SYN3: variants seen among roughly 807,000 people sequenced by gnomAD.
SYN3 encodes the protein synapsin-3.
In SYN3, 35 loss-of-function variants were observed where a neutral mutation model predicts 65.8. The ratio of observed to expected loss-of-function variants is 0.53; its 90% CI spans 0.41 to 0.70. SYN3 has a LOEUF of 0.70. Ranked by LOEUF, SYN3 falls within the 30% of genes least tolerant of loss-of-function variation. The probability of loss-of-function intolerance (pLI) is 0.00; values close to 1 mark genes in which losing one functional copy is unlikely to be tolerated. For synonymous variants in SYN3, 270 were observed against 292.9 expected, an observed-to-expected ratio of 0.92 and a Z score of 0.80; for missense variants, 680 against 749.0, an observed-to-expected ratio of 0.91 and a Z score of 1.08.
At chr22:32,990,412 CCATCCATCCAT>C (rs2052677392) in intron 2 of SYN3, among the ~76,000 whole-genome samples, 1 of 29,702 alleles carries the variant, frequency 3.4e-5, no homozygotes, top group African/African-American at 3.7e-4. Flanking sequence ...ATCCAGCCAT[CCATCCATCCAT>C]CCATCCATCC....
At chr22:32,611,813 G>C (rs1388624966) in intron 6 of SYN3, among the ~76,000 whole-genome samples, 2 of 152,118 alleles carry the variant, frequency 1.3e-5, no homozygotes, top group Non-Finnish European at 2.9e-5. Flanking sequence ...GGGGTGCTGG[G>C]AGCATCTTTT....
At chr22:33,008,374 C>T (rs2053251700) in intron 1 of SYN3, among the ~76,000 whole-genome samples, 1 of 152,134 alleles carries the variant, frequency 6.6e-6, no homozygotes, top group Admixed American at 6.5e-5. Context: ...CTTTTGTACC[C>T]CTTCTGGTCC....
intron 2 of SYN3, among the ~76,000 whole-genome samples, chr22:32,980,999 T>C (rs5998684): frequency 0.63 from 96,094 of 151,390 alleles, 30,943 homozygotes; most frequent in East Asian, 0.78. Flanking sequence ...GGATTACAGG[T>C]GCCTGCCATC....
intron 2 of SYN3, among the ~76,000 whole-genome samples, chr22:32,984,161 C>CAAAAAAAAA (rs35678412): frequency 1.1e-5 from 1 of 93,016 alleles, no homozygotes; most frequent in Non-Finnish European, 2.1e-5. Context: ...AAACTCCATC[C>CAAAAAAAAA]AAAAAAAAAA....
At chr22:32,792,175 C>T (rs548925976) in intron 6 of SYN3, among the ~76,000 whole-genome samples, 2 of 152,254 alleles carry the variant, frequency 1.3e-5, no homozygotes, top group African/African-American at 4.8e-5. Flanking sequence ...CCTTTTAGCA[C>T]GAGACAGCTG....
At chr22:32,557,160 C>T (rs542554600) in intron 7 of SYN3, among the ~76,000 whole-genome samples, 2 of 152,220 alleles carry the variant, frequency 1.3e-5, no homozygotes, top group South Asian at 2.1e-4. Context: ...GTTGCTCAAA[C>T]GGTGTATTAA....
intron 1 of SYN3, among the ~76,000 whole-genome samples, chr22:33,028,236 A>C (rs1364202812): frequency 6.6e-6 from 1 of 152,180 alleles, no homozygotes; most frequent in African/African-American, 2.4e-5. Flanking sequence ...ATCAGTGAGG[A>C]GCACAAGTGG....
At chr22:32,579,180 T>A (rs1321704138) in intron 7 of SYN3, among the ~76,000 whole-genome samples, 1 of 152,210 alleles carries the variant, frequency 6.6e-6, no homozygotes, top group Non-Finnish European at 1.5e-5. Flanking sequence ...TGCCAATATA[T>A]TCAATGAACA....
At chr22:32,747,788 C>CATGTT (rs1225534649) in intron 6 of SYN3, among the ~76,000 whole-genome samples, 26 of 152,220 alleles carry the variant, frequency 1.7e-4, no homozygotes, top group African/African-American at 6.3e-4. Context: ...AGTGGAGAGG[C>CATGTT]ATGTTGTTGG....
intron 6 of SYN3, among the ~76,000 whole-genome samples, chr22:32,624,313 C>A (rs564213416): frequency 1.3e-5 from 2 of 152,280 alleles, no homozygotes; most frequent in South Asian, 4.1e-4. Flanking sequence ...TGGGGGGTCA[C>A]TTTCAAACCT....
Position 32,586,132 on chromosome 22 carries a change from G to GTATA in SYN3, c.774+10538_774+10541dup, listed in dbSNP as rs1315219062. On this transcript the variant is annotated intron_variant, in intron 7 of 13. Coordinates refer to ENST00000358763, the MANE Select transcript of SYN3 (RefSeq NM_003490.4). ...TGTATATGTATATATGTATATGTATGTATATACATATACACATATACACAC... is the reference window on the plus strand; with the variant it reads ...TGTATATGTATATATGTATATGTATGTATATATATACATATACACATATACACAC... Among the ~76,000 whole-genome samples, 16 of 148,308 alleles carry GTATA rather than the reference G, an allele frequency of 1.1e-4. 1 individual carries two copies. Among genetic ancestry groups the GTATA allele is most frequent in the Non-Finnish European group, 9.0e-5 (6 of 66,768 alleles).
chr22:32,925,773 C>A (rs1330978779), intron 4 of SYN3, among the ~76,000 whole-genome samples: 2 of 151,940 alleles, frequency 1.3e-5, no homozygotes, highest in Non-Finnish European at 2.9e-5. Context: ...CAGTGCAATA[C>A]GTCTGGGACA....
chr22:32,987,578 A>G (rs241715), intron 2 of SYN3, among the ~76,000 whole-genome samples: 95,667 of 151,986 alleles, frequency 0.63, 30,488 homozygotes, highest in East Asian at 0.78. Context: ...GAAGGAATGC[A>G]CTAAGAGTGA....
At chr22:32,956,832 T>G (rs1303321236) in intron 3 of SYN3, among the ~76,000 whole-genome samples, 2 of 152,202 alleles carry the variant, frequency 1.3e-5, no homozygotes, top group Non-Finnish European at 2.9e-5. Context: ...TAATTCTACA[T>G]TTAATTTTTG....
In SYN3 at chr22:32,541,586, T is replaced by C. The variant is rs1213075770; in HGVS notation, c.902A>G (p.Asn301Ser). 6.2e-7 allele frequency: 1 copy of C among 1,613,924 alleles called. No homozygotes were observed. The highest frequency in any genetic ancestry group is 2.2e-5 in the East Asian group (1 of 44,884). ...AGAGACTCACATGTAAGCCTTGTAG[T>C]TGGATCCAATTTTCTGGATGCGGAT... is the stretch of plus-strand genomic sequence containing the variant. ...YDIRIQKIGS[N>S]YKAYMRTSIS... Residue 301 changes from asparagine (N) to serine (S), a missense_variant, in exon 8 of 14, where the codon AAC (asparagine) becomes AGC (serine). Transcript: ENST00000358763.
At chr22:33,019,645 G>A (rs558404440) in intron 1 of SYN3, among the ~76,000 whole-genome samples, 1 of 152,264 alleles carries the variant, frequency 6.6e-6, no homozygotes, top group Non-Finnish European at 1.5e-5. Context: ...TTTTCTTGTT[G>A]TTGTTTGTTT....
chr22:32,693,272 C>T (rs61244176), intron 6 of SYN3, among the ~76,000 whole-genome samples: 2,914 of 152,230 alleles, frequency 0.019, 85 homozygotes, highest in African/African-American at 0.067. Flanking sequence ...CCACCACTGT[C>T]GATCTGATAA....
chr22:32,533,945 G>A (rs2058120380), intron 9 of SYN3, 50 bp from the exon 10 acceptor site: 1 of 1,319,700 alleles, frequency 7.6e-7, no homozygotes, highest in African/African-American at 1.4e-5. Flanking sequence ...AAGTGGGGAA[G>A]CGGGTAGAGG....
intron 1 of SYN3, among the ~76,000 whole-genome samples, chr22:33,011,850 T>C (rs1281726392): frequency 6.6e-6 from 1 of 152,218 alleles, no homozygotes; most frequent in African/African-American, 2.4e-5. Flanking sequence ...CTTACTGGCA[T>C]AAAGTTGTTC....
Sources: allele counts gnomAD v4.1 joint callset (sites outside exome capture counted in the v4.1 genomes callset), GRCh38; gene constraint gnomAD v4.1.1; transcripts MANE v1.5; gene names NCBI Gene and HGNC (gene_info 2026-07-23, HGNC 2026-07-21).